The following GMEB1 variants were observed in gnomAD, a reference collection of about 807,000 sequenced individuals.
GMEB1 encodes the protein glucocorticoid modulatory element binding protein 1.
Under a neutral mutation model 52.4 loss-of-function variants are expected in GMEB1, and 6 were observed. That is an observed-to-expected ratio of 0.11 (90% CI 0.06 to 0.23). The LOEUF is 0.23. GMEB1 is among the 10% of genes least tolerant of loss of function. GMEB1 has a pLI of 1.00. For missense variants in GMEB1, 486 were observed against 685.6 expected (o/e 0.71, Z 3.25); for synonymous variants, 255 against 244.9 (o/e 1.04, Z -0.38).
At chr1:28,669,418 C>T (rs1668776298) in intron 1 of GMEB1, among the ~76,000 whole-genome samples, 1 of 152,004 alleles carries the variant, frequency 6.6e-6, no homozygotes, top group African/African-American at 2.4e-5. Context: ...GGGAGGAGAC[C>T]CTCTCGGAGC....
At chr1:28,713,771 G>T (rs934805736) in intron 9 of GMEB1, among the ~76,000 whole-genome samples, 2 of 152,156 alleles carry the variant, frequency 1.3e-5, no homozygotes, top group Non-Finnish European at 2.9e-5. Flanking sequence ...CCAGCTGGGT[G>T]CACTGGCTTA....
At chr1:28,683,931 T>C (rs1408185124) in intron 2 of GMEB1, among the ~76,000 whole-genome samples, 191 bp downstream of exon 2, 1 of 152,168 alleles carries the variant, frequency 6.6e-6, no homozygotes, top group Non-Finnish European at 1.5e-5. Flanking sequence ...AACAGTTACT[T>C]GTTTCCTTGT....
At chr1:28,689,839 C>A in intron 2 of GMEB1, 2 of 330,698 alleles carry the variant, frequency 6.0e-6, no homozygotes, top group Non-Finnish European at 1.1e-5. Context: ...AATACAGTAG[C>A]AAGTGGTGGT....
At chr1:28,707,350 G>A (rs1422857438) in intron 8 of GMEB1, among the ~76,000 whole-genome samples, 2 of 152,066 alleles carry the variant, frequency 1.3e-5, no homozygotes, top group Non-Finnish European at 2.9e-5. Context: ...TCTGGTTGCT[G>A]TGTGGAGAGT....
At chr1:28,688,067 C>T (rs78018141) in intron 2 of GMEB1, among the ~76,000 whole-genome samples, 9 of 152,046 alleles carry the variant, frequency 5.9e-5, no homozygotes, top group African/African-American at 9.7e-5. Context: ...GGCAGATCAC[C>T]TGAGGTCGGG....
At chr1:28,696,553 C>G (rs1670219401) in intron 5 of GMEB1, among the ~76,000 whole-genome samples, 1 of 152,080 alleles carries the variant, frequency 6.6e-6, no homozygotes, top group Non-Finnish European at 1.5e-5. Flanking sequence ...TGCTCATGTC[C>G]TATAACGTTT....
chr1:28,702,683 A>T, intron 7 of GMEB1, 114 bp downstream of exon 7: 1 of 840,690 alleles, frequency 1.2e-6, no homozygotes, highest in Non-Finnish European at 1.9e-6. Context: ...TCATGCACGT[A>T]AATACTAACT....
At position 28,700,684 on chromosome 1, in the gene GMEB1, C is replaced by CAA. The variant is rs760383155; in HGVS notation, c.599-1739_599-1738dup. ...TGGGCAACAAAGTGAGACTCTGTCT[C>CAA]AAAAAAAAAAAAAAAAGATCTTTTG... On this transcript the variant is annotated intron_variant, in intron 6 of 9. Transcript: ENST00000373816. 1.9e-4 allele frequency among the ~76,000 whole-genome samples: 20 copies of CAA among 104,174 alleles called. 1 individual carries two copies. Among genetic ancestry groups the CAA allele is most frequent in the African/African-American group, 5.5e-4 (16 of 28,928 alleles). 68.3% of individuals were successfully genotyped at this position (104,174 alleles called of 152,430 possible). A position where few individuals can be genotyped will look rare whatever the true frequency, so the allele number is the denominator to read the frequency against.
intron 2 of GMEB1, among the ~76,000 whole-genome samples, chr1:28,687,365 C>A (rs1570398617): frequency 2.1e-5 from 1 of 47,106 alleles, no homozygotes; most frequent in South Asian, 8.9e-4. Flanking sequence ...CACACACACA[C>A]ACACACACAC....
chr1:28,701,547 C>A (rs539511410), intron 6 of GMEB1, among the ~76,000 whole-genome samples: 45 of 151,952 alleles, frequency 3.0e-4, no homozygotes, highest in Non-Finnish European at 5.7e-4. Context: ...GGATTACAGG[C>A]GTGAGCCACT....
chr1:28,687,334 T>TCACACACACA (rs1161076315), intron 2 of GMEB1, among the ~76,000 whole-genome samples: 1 of 54,086 alleles, frequency 1.8e-5, no homozygotes, highest in African/African-American at 7.2e-5. Flanking sequence ...AGACCCTATC[T>TCACACACACA]CACACACACA....
intron 5 of GMEB1, 93 bp from the exon 6 acceptor site, chr1:28,696,834 G>A: frequency 6.4e-6 from 6 of 941,390 alleles, no homozygotes; most frequent in Non-Finnish European, 6.4e-6. Context: ...TACACAGTAG[G>A]CTCAGCAGTG....
chr1:28,710,431 C>T, intron 8 of GMEB1, 89 bp from the exon 9 acceptor site: 1 of 978,246 alleles, frequency 1.0e-6, no homozygotes, highest in Non-Finnish European at 1.4e-6. Context: ...CCCATAATTT[C>T]TGGTTGTTTC....
At chr1:28,672,359 A>G (rs1276139563) in intron 1 of GMEB1, among the ~76,000 whole-genome samples, 2 of 145,150 alleles carry the variant, frequency 1.4e-5, no homozygotes, top group African/African-American at 5.1e-5. Flanking sequence ...AGCTGGGACT[A>G]CTCTCCCGCC....
At chr1:28,674,675 G>T (rs181757177) in intron 1 of GMEB1, among the ~76,000 whole-genome samples, 152 of 147,174 alleles carry the variant, frequency 1.0e-3, no homozygotes, top group Admixed American at 3.4e-3. Context: ...GATTACAGGT[G>T]TGGGCCACCG....
At chr1:28,680,983 A>T (rs1401019908) in intron 1 of GMEB1, among the ~76,000 whole-genome samples, 2 of 152,042 alleles carry the variant, frequency 1.3e-5, no homozygotes, top group Non-Finnish European at 2.9e-5. Context: ...GGCGGAGGTT[A>T]TAGTGAGCTG....
chr1:28,685,784 C>A (rs1417227142), intron 2 of GMEB1, among the ~76,000 whole-genome samples: 2 of 152,086 alleles, frequency 1.3e-5, no homozygotes, highest in African/African-American at 2.4e-5. Context: ...CATGGTGAAA[C>A]CCTGTCTCTA....
At chr1:28,713,420 G>A (rs1472853848) in intron 9 of GMEB1, among the ~76,000 whole-genome samples, 1 of 152,148 alleles carries the variant, frequency 6.6e-6, no homozygotes. Flanking sequence ...ATAGTGATAG[G>A]CGTACTATAA....
intron 2 of GMEB1, among the ~76,000 whole-genome samples, chr1:28,684,502 G>C (rs1252713413): frequency 6.8e-6 from 1 of 148,018 alleles, no homozygotes; most frequent in Admixed American, 7.0e-5. Context: ...GGCGGAGCTT[G>C]TAGTGAGCCG....
Sources: gnomAD v4.1 joint callset for allele counts (sites outside exome capture counted in the v4.1 genomes callset) on GRCh38, gnomAD v4.1.1 for gene constraint, MANE v1.5 for transcripts, NCBI Gene and HGNC (gene_info 2026-07-23, HGNC 2026-07-21) for gene names.